Variants in GRIN2B observed in about 807,000 individuals in gnomAD.
The protein encoded by GRIN2B is glutamate receptor ionotropic, NMDA 2B.
A neutral mutation model predicts 114.5 loss-of-function variants in GRIN2B; 5 were observed. The observed-to-expected ratio is 0.04, with a 90% confidence interval of 0.02 to 0.09. GRIN2B has a LOEUF of 0.09. GRIN2B is among the 10% of genes least tolerant of loss of function. GRIN2B has a pLI of 1.00. For missense variants in GRIN2B, 1,108 were observed against 1,943.5 expected (o/e 0.57, Z 8.08); for synonymous variants, 787 against 745.1 (o/e 1.06, Z -0.92).
At chr12:13,895,256 T>C (rs1451749262) in intron 2 of GRIN2B, among the ~76,000 whole-genome samples, 2 of 152,222 alleles carry the variant, frequency 1.3e-5, no homozygotes, top group Non-Finnish European at 2.9e-5. Flanking sequence ...GGTTTTCCAC[T>C]AATTTATATT....
rs141608513 is a variant in GRIN2B, at chr12:13,842,451, A to G, written c.411+23347T>C. 2.0e-5 allele frequency among the ~76,000 whole-genome samples: 3 copies of G among 151,286 alleles called. No homozygotes were observed. In the East Asian group the frequency reaches 5.8e-4, roughly 29 times the overall value. ...TCGTCCCCCAGATCTTGGTTGCTCAAATTCAATCTTCCTCATCTAATTTCT... is the reference window on the plus strand; with the variant it reads ...TCGTCCCCCAGATCTTGGTTGCTCAGATTCAATCTTCCTCATCTAATTTCT... On this transcript the variant is annotated intron_variant, in intron 3 of 13. Coordinates refer to ENST00000609686, the MANE Select transcript of GRIN2B (RefSeq NM_000834.5).
chr12:13,935,269 A>C (rs1043207342), intron 2 of GRIN2B, among the ~76,000 whole-genome samples: 1 of 152,234 alleles, frequency 6.6e-6, no homozygotes, highest in Non-Finnish European at 1.5e-5. Context: ...TATAAGCCAT[A>C]GTTAGTAACT....
chr12:13,590,442 T>C (rs947824622), intron 10 of GRIN2B, among the ~76,000 whole-genome samples: 2 of 152,134 alleles, frequency 1.3e-5, no homozygotes, highest in East Asian at 3.9e-4. Flanking sequence ...CCTGTGTCCA[T>C]GTGTTCTCAT....
Position 13,559,101 on chromosome 12 carries a change from C to T in GRIN2B, c.*3682G>A, listed in dbSNP as rs1168405476. 1 of 152,168 alleles carries T rather than the reference C, an allele frequency of 6.6e-6. No individual in the cohort carries two copies. The highest frequency in any genetic ancestry group is 1.5e-5 in the Non-Finnish European group (1 of 68,028). 9.4% of individuals were successfully genotyped at this position (152,168 alleles called of 1,614,324 possible). ...ATACCCATCTGTGATATAGATTGGG[C>T]TTATAGCTGAATTCTTCCTCATGCA... On this transcript the variant is annotated 3_prime_UTR_variant, in exon 14 of 14. Coordinates refer to ENST00000609686, the MANE Select transcript of GRIN2B (RefSeq NM_000834.5).
intron 3 of GRIN2B, among the ~76,000 whole-genome samples, chr12:13,826,419 C>T (rs1209328573): frequency 2.0e-5 from 3 of 152,034 alleles, no homozygotes; most frequent in South Asian, 2.1e-4. Context: ...TGCGGTGAGC[C>T]GAGATCATGC....
At position 13,868,353 on chromosome 12, in the gene GRIN2B, C is replaced by G. The variant is rs187585685; in HGVS notation, c.-18-2127G>C. On this transcript the variant is annotated intron_variant, in intron 2 of 13. Transcript: ENST00000609686. Reference sequence around the variant, plus strand: ...GAGAAACAGGGCCTGAATTCCTCCTCCCAGAACTTAAAGGAAAGAAACACT... The same window carrying G: ...GAGAAACAGGGCCTGAATTCCTCCTGCCAGAACTTAAAGGAAAGAAACACT... Among the ~76,000 whole-genome samples the G allele has an allele frequency of 5.7e-3, 864 of 152,110 alleles. 4 individuals are homozygous for G. The highest frequency in any genetic ancestry group is 0.027 in the South Asian group (130 of 4,798).
chr12:13,655,309 T>G (rs182787610), intron 5 of GRIN2B, among the ~76,000 whole-genome samples: 83 of 152,234 alleles, frequency 5.5e-4, no homozygotes, highest in African/African-American at 1.9e-3. Flanking sequence ...CATCCCAGAA[T>G]AGAACCACCC....
chr12:13,755,043 T>C (rs1863553697), intron 3 of GRIN2B, among the ~76,000 whole-genome samples: 1 of 152,188 alleles, frequency 6.6e-6, no homozygotes. Flanking sequence ...ATGTCTTTTC[T>C]TGCTCTGTGC....
At position 13,560,406 on chromosome 12, in the gene GRIN2B, T is replaced by C. The variant is rs1948526469; in HGVS notation, c.*2377A>G. The C allele has an allele frequency of 6.6e-6, 1 of 152,182 alleles. No individual in the cohort carries two copies. Among genetic ancestry groups the C allele is most frequent in the South Asian group, 2.1e-4 (1 of 4,828 alleles). 9.4% of individuals were successfully genotyped at this position (152,182 alleles called of 1,614,324 possible). A position where few individuals can be genotyped will look rare whatever the true frequency, so the allele number is the denominator to read the frequency against. ...ATACAAAATTAGAAAACAAAATATT[T>C]ACATATGAAATAAACACCATCTTGA... is the stretch of plus-strand genomic sequence containing the variant. On this transcript the variant is annotated 3_prime_UTR_variant, in exon 14 of 14. Transcript: ENST00000609686.
chr12:13,915,195 A>AT (rs746549650), intron 2 of GRIN2B, among the ~76,000 whole-genome samples: 3 of 152,268 alleles, frequency 2.0e-5, no homozygotes, highest in Admixed American at 6.5e-5. Flanking sequence ...TTGTGTACCC[A>AT]TTTTTTTAGC....
At chr12:13,582,872 G>C (rs963629192) in intron 10 of GRIN2B, among the ~76,000 whole-genome samples, 1 of 152,058 alleles carries the variant, frequency 6.6e-6, no homozygotes, top group Non-Finnish European at 1.5e-5. Context: ...AGTTTTCCTC[G>C]CAACGATGGT....
Position 13,615,696 on chromosome 12 carries a change from C to A in GRIN2B, c.1329-32G>T, listed in dbSNP as rs45480400. On this transcript the variant is annotated intron_variant, in intron 6 of 13. Transcript: ENST00000609686. This position sits in a 1 kb window ranked among gnomAD's most constrained non-coding sequence, Gnocchi z 5.8. ...AATTAAAGAAACAAAAACAAACAAA[C>A]AAAAAAGTCTTTGTACAAAAAGCCA... The A allele has an allele frequency of 8.7e-3, 13,889 of 1,596,420 alleles. 101 individuals are homozygous for A. Among genetic ancestry groups the A allele is most frequent in the Middle Eastern group, 0.013 (81 of 6,038 alleles).
At chr12:13,819,944 T>C (rs1259995310) in intron 3 of GRIN2B, among the ~76,000 whole-genome samples, 1 of 152,158 alleles carries the variant, frequency 6.6e-6, no homozygotes, top group Non-Finnish European at 1.5e-5. Context: ...CTTCCTGCAC[T>C]GGGGTTTCAT....
rs761281000 is a variant in GRIN2B, at chr12:13,564,234, C to G, written c.3004G>C (p.Gly1002Arg). Residue 1002 changes from glycine (G) to arginine (R), a missense_variant, in exon 14 of 14, where the codon GGG (glycine) becomes CGG (arginine). Gly to Arg is a moderately radical substitution (Grantham distance 125, BLOSUM62 -2). This residue lies in a region of GRIN2B where 140 missense variants were observed against 187.5 expected (regional missense o/e 0.75). Transcript: ENST00000609686. This position sits in a 1 kb window ranked among gnomAD's most constrained non-coding sequence, Gnocchi z 4.8. ...HSIGSASSIDGLYDCDNPPFT... is the reference protein window; with the variant it reads ...HSIGSASSIDRLYDCDNPPFT... Reference sequence around the variant, plus strand: ...GGTGGGTTGTCACAGTCGTAGAGCCCATCGATGGAGCTGGCACTGCCAATA... The same window carrying G: ...GGTGGGTTGTCACAGTCGTAGAGCCGATCGATGGAGCTGGCACTGCCAATA... The G allele has an allele frequency of 5.6e-6, 9 of 1,614,154 alleles. No homozygotes were observed. Among genetic ancestry groups the G allele is most frequent in the Middle Eastern group, 3.3e-4 (2 of 6,062 alleles).
Position 13,540,971 on chromosome 12 carries a change from G to T in GRIN2B, c.*21812C>A, listed in dbSNP as rs542944189. 6.6e-6 allele frequency: 1 copy of T among 152,362 alleles called. No homozygotes were observed. Among genetic ancestry groups the T allele is most frequent in the Admixed American group, 6.5e-5 (1 of 15,296 alleles). The allele number at this position is 152,362 out of a possible 1,614,324, so 9.4% of individuals were successfully genotyped here. A position where few individuals can be genotyped will look rare whatever the true frequency, so the allele number is the denominator to read the frequency against. ...TGTGAATTTGCAACGCAACCCCATAGTGGATGCATATCATGTTTCCATCAT... is the reference window on the plus strand; with the variant it reads ...TGTGAATTTGCAACGCAACCCCATATTGGATGCATATCATGTTTCCATCAT... On this transcript the variant is annotated 3_prime_UTR_variant, in exon 14 of 14. Transcript: ENST00000609686.
chr12:13,694,275 T>G (rs984439085), intron 4 of GRIN2B, among the ~76,000 whole-genome samples: 1 of 152,110 alleles, frequency 6.6e-6, no homozygotes, highest in East Asian at 1.9e-4. Flanking sequence ...AACTGTATAT[T>G]TGGAGAAGCT....
chr12:13,589,697 A>G (rs1195296454), intron 10 of GRIN2B, among the ~76,000 whole-genome samples: 7 of 152,220 alleles, frequency 4.6e-5, no homozygotes, highest in African/African-American at 7.2e-5. Context: ...TTCTACTTGC[A>G]ACTAACAGAT....
chr12:13,790,616 T>A (rs1864304477), intron 3 of GRIN2B, among the ~76,000 whole-genome samples: 1 of 152,222 alleles, frequency 6.6e-6, no homozygotes, highest in South Asian at 2.1e-4. Flanking sequence ...CATTTTATAA[T>A]AGTCATCTCC....
At chr12:13,969,775 T>TTA (rs1364542279) in intron 2 of GRIN2B, among the ~76,000 whole-genome samples, 7 of 152,346 alleles carry the variant, frequency 4.6e-5, no homozygotes, top group African/African-American at 1.7e-4. Flanking sequence ...GAAAGATCAT[T>TTA]TATGAGTTTC....
Sources: gnomAD v4.1 joint callset for allele counts (sites outside exome capture counted in the v4.1 genomes callset) on GRCh38, gnomAD v4.1.1 for gene constraint, gnomAD v4.1.1 regional missense constraint, Gnocchi (gnomAD v3.1) non-coding constraint, MANE v1.5 for transcripts, NCBI Gene and HGNC (gene_info 2026-07-23, HGNC 2026-07-21) for gene names.